Variants in PLXDC2 observed in about 807,000 individuals in gnomAD.
PLXDC2 encodes plexin domain-containing protein 2.
A neutral mutation model predicts 68.9 loss-of-function variants in PLXDC2; 40 were observed. That is an observed-to-expected ratio of 0.58 (90% confidence interval 0.45 to 0.76). The LOEUF (loss-of-function observed/expected upper bound fraction) is 0.76, where lower values mean the gene tolerates loss of function less well. PLXDC2 is among the 30% of genes least tolerant of loss of function. PLXDC2 has a pLI of 0.00. For missense variants in PLXDC2, 644 were observed against 661.9 expected (o/e 0.97, Z 0.30); for synonymous variants, 243 against 234.2 (o/e 1.04, Z -0.34).
At chr10:20,170,283 G>A (rs544236076) in intron 7 of PLXDC2, among the ~76,000 whole-genome samples, 50 of 152,120 alleles carry the variant, frequency 3.3e-4, no homozygotes, top group Admixed American at 2.4e-3. Context: ...CTCCCCCTCC[G>A]GGGTTCAAGT....
intron 1 of PLXDC2, among the ~76,000 whole-genome samples, chr10:19,959,420 A>G (rs1402487611): frequency 6.6e-6 from 1 of 152,206 alleles, no homozygotes; most frequent in Non-Finnish European, 1.5e-5. Flanking sequence ...TTCATCACTG[A>G]AAAGAAAACA....
At chr10:20,006,421 G>A (rs1835029696) in intron 2 of PLXDC2, among the ~76,000 whole-genome samples, 2 of 152,118 alleles carry the variant, frequency 1.3e-5, no homozygotes, top group African/African-American at 4.8e-5. Context: ...CTCAGTTTCA[G>A]GGGTCAGAAT....
intron 2 of PLXDC2, among the ~76,000 whole-genome samples, chr10:20,006,182 A>T (rs1033279697): frequency 6.6e-5 from 10 of 151,560 alleles, no homozygotes; most frequent in African/African-American, 2.4e-4. Flanking sequence ...CAGTCTAAGA[A>T]AAAAAAAAGG....
chr10:19,965,409 A>ATATG (rs1834231670), intron 1 of PLXDC2, among the ~76,000 whole-genome samples: 1 of 152,186 alleles, frequency 6.6e-6, no homozygotes, highest in Non-Finnish European at 1.5e-5. Flanking sequence ...GAACAGGTGG[A>ATATG]TATGTGCCTT....
chr10:19,941,753 C>G (rs1024317085), intron 1 of PLXDC2, among the ~76,000 whole-genome samples: 1 of 152,066 alleles, frequency 6.6e-6, no homozygotes, highest in East Asian at 1.9e-4. Flanking sequence ...CATAGGTTTT[C>G]TTTTCCTTCT....
intron 4 of PLXDC2, among the ~76,000 whole-genome samples, chr10:20,096,269 T>A (rs1396490643): frequency 6.6e-6 from 1 of 152,178 alleles, no homozygotes; most frequent in African/African-American, 2.4e-5. Context: ...GCATGACTCC[T>A]CGTCACCCAC....
At chr10:20,068,502 G>A (rs1191778521) in intron 4 of PLXDC2, among the ~76,000 whole-genome samples, 1 of 151,266 alleles carries the variant, frequency 6.6e-6, no homozygotes, top group Admixed American at 6.6e-5. Context: ...TGGTAGTGTG[G>A]TAAGACTGTC....
At chr10:19,900,388 C>G (rs942139180) in intron 1 of PLXDC2, among the ~76,000 whole-genome samples, 21 of 151,930 alleles carry the variant, frequency 1.4e-4, no homozygotes, top group Non-Finnish European at 2.9e-4. Context: ...AAAAGAGAAA[C>G]CAACAGTTAC....
intron 1 of PLXDC2, among the ~76,000 whole-genome samples, chr10:19,869,365 A>G (rs1837487990): frequency 6.6e-6 from 1 of 151,332 alleles, no homozygotes; most frequent in Non-Finnish European, 1.5e-5. Context: ...CAGAGGTTGC[A>G]ATGAGCTGAA....
intron 10 of PLXDC2, among the ~76,000 whole-genome samples, chr10:20,212,461 A>G (rs1219583962): frequency 6.6e-6 from 1 of 152,138 alleles, no homozygotes; most frequent in Non-Finnish European, 1.5e-5. Context: ...ACTCGCATTT[A>G]TACTATCATT....
intron 2 of PLXDC2, among the ~76,000 whole-genome samples, chr10:20,005,163 G>A (rs907134382): frequency 6.6e-6 from 1 of 152,166 alleles, no homozygotes; most frequent in Non-Finnish European, 1.5e-5. Context: ...GCTTGACGTT[G>A]CTCTTTCTAG....
intron 1 of PLXDC2, among the ~76,000 whole-genome samples, chr10:19,864,116 T>C (rs1837370937): frequency 6.6e-6 from 1 of 152,162 alleles, no homozygotes; most frequent in Admixed American, 6.6e-5. Flanking sequence ...TTCTCCCACC[T>C]CTGCCTCCTG....
At chr10:19,955,656 C>T (rs998762384) in intron 1 of PLXDC2, among the ~76,000 whole-genome samples, 6 of 152,064 alleles carry the variant, frequency 3.9e-5, no homozygotes, top group Middle Eastern at 3.4e-3. Flanking sequence ...ACCTGGAATA[C>T]GTTGGGTGCT....
intron 1 of PLXDC2, among the ~76,000 whole-genome samples, chr10:19,868,092 T>C (rs1381836435): frequency 2.6e-5 from 4 of 152,222 alleles, no homozygotes; most frequent in Non-Finnish European, 5.9e-5. Context: ...TATTTTATAT[T>C]TTTTGAATTG....
intron 1 of PLXDC2, among the ~76,000 whole-genome samples, chr10:19,927,176 A>C (rs1193239513): frequency 6.6e-6 from 1 of 152,168 alleles, no homozygotes; most frequent in Non-Finnish European, 1.5e-5. Flanking sequence ...TGGGAATAAA[A>C]AGATTGGGCA....
intron 6 of PLXDC2, among the ~76,000 whole-genome samples, chr10:20,150,454 G>C (rs1196705743): frequency 6.6e-6 from 1 of 152,108 alleles, no homozygotes; most frequent in Non-Finnish European, 1.5e-5. Context: ...ATTCCTCAAA[G>C]AAATAACATC....
rs548095875 is a variant in PLXDC2, at chr10:20,210,980, A to G, written c.1062-689A>G. On this transcript the variant is annotated intron_variant, in intron 9 of 13. Transcript: ENST00000377252. ...CTCCCCAGGGTCAAACTGTTACAGC[A>G]TGGCCCAGGGTCCCAAGTAAATGAA... is the stretch of plus-strand genomic sequence containing the variant. Among the ~76,000 whole-genome samples the G allele has an allele frequency of 5.3e-5, 8 of 152,252 alleles. No individual in the cohort carries two copies. The East Asian group carries it at 1.5e-3, about 29-fold the overall frequency.
intron 4 of PLXDC2, among the ~76,000 whole-genome samples, chr10:20,069,111 C>G (rs114626003): frequency 1.6e-3 from 239 of 152,320 alleles, no homozygotes; most frequent in African/African-American, 5.6e-3. Flanking sequence ...TTCACTGAAT[C>G]TTACCAGGGG....
At chr10:20,075,664 C>T (rs1042523456) in intron 4 of PLXDC2, among the ~76,000 whole-genome samples, 1 of 152,044 alleles carries the variant, frequency 6.6e-6, no homozygotes, top group African/African-American at 2.4e-5. Flanking sequence ...CAAGAGTTGA[C>T]TCAATAGGAA....
Sources: allele counts gnomAD v4.1 joint callset (sites outside exome capture counted in the v4.1 genomes callset), GRCh38; gene constraint gnomAD v4.1.1; transcripts MANE v1.5; gene names NCBI Gene and HGNC (gene_info 2026-07-23, HGNC 2026-07-21).